Variants in BABAM2 observed in about 807,000 individuals in gnomAD.
BABAM2 encodes BRISC and BRCA1-A complex member 2.
BABAM2 carries 31 observed loss-of-function variants against 54.7 expected under a neutral mutation model. The observed-to-expected ratio is 0.57, with a 90% CI of 0.43 to 0.77. The LOEUF (loss-of-function observed/expected upper bound fraction) is 0.77, where lower values mean the gene tolerates loss of function less well. Among genes scored for constraint, BABAM2 ranks in the 30% least tolerant of loss-of-function variants. The pLI, the probability that BABAM2 is intolerant of heterozygous loss-of-function variation, is 0.00. For synonymous variants in BABAM2, 167 were observed against 162.9 expected, an observed-to-expected ratio of 1.03 and a Z score of -0.19; for missense variants, 364 against 455.8, an observed-to-expected ratio of 0.80 and a Z score of 1.83.
At chr2:27,957,363 A>G (rs929544508) in intron 3 of BABAM2, among the ~76,000 whole-genome samples, 3 of 152,100 alleles carry the variant, frequency 2.0e-5, no homozygotes, top group African/African-American at 7.2e-5. Context: ...TTTTGGCACC[A>G]TCATAATCTT....
intron 4 of BABAM2, among the ~76,000 whole-genome samples, chr2:28,024,955 T>TTAC (rs1247185906): frequency 2.6e-5 from 4 of 152,238 alleles, no homozygotes; most frequent in African/African-American, 9.6e-5. Context: ...TCTTGTTTTG[T>TTAC]TACTACCCGG....
At chr2:28,150,391 C>T (rs569830956) in intron 7 of BABAM2, among the ~76,000 whole-genome samples, 1 of 152,218 alleles carries the variant, frequency 6.6e-6, no homozygotes, top group African/African-American at 2.4e-5. Context: ...CATGGCAATA[C>T]AGAGGGGAGG....
intron 10 of BABAM2, among the ~76,000 whole-genome samples, chr2:28,282,195 G>A (rs936238120): frequency 7.2e-5 from 11 of 152,134 alleles, no homozygotes; most frequent in East Asian, 1.9e-4. Context: ...AGATATAACC[G>A]TAAGATGTTT....
intron 7 of BABAM2, among the ~76,000 whole-genome samples, chr2:28,178,303 T>A (rs1471397231): frequency 6.6e-6 from 1 of 152,148 alleles, no homozygotes; most frequent in Non-Finnish European, 1.5e-5. Context: ...CCAAGTATCT[T>A]CTCAGACTAT....
chr2:27,901,809 A>G (rs1165274695), intron 2 of BABAM2, among the ~76,000 whole-genome samples: 1 of 152,096 alleles, frequency 6.6e-6, no homozygotes, highest in African/African-American at 2.4e-5. Flanking sequence ...CTTTTCCCTG[A>G]TCTCATTCCC....
chr2:28,205,315 C>A (rs1279103690), intron 7 of BABAM2, among the ~76,000 whole-genome samples: 2 of 151,940 alleles, frequency 1.3e-5, no homozygotes, highest in Non-Finnish European at 2.9e-5. Flanking sequence ...TCCTGGCCAA[C>A]ATGGTAAAAC....
At chr2:28,117,437 G>GC (rs1230339685) in intron 6 of BABAM2, among the ~76,000 whole-genome samples, 2 of 152,196 alleles carry the variant, frequency 1.3e-5, no homozygotes, top group Non-Finnish European at 2.9e-5. Flanking sequence ...GGCATATAGT[G>GC]CAATTTATTA....
intron 3 of BABAM2, among the ~76,000 whole-genome samples, chr2:27,936,082 G>C (rs1668462515): frequency 6.6e-6 from 1 of 151,932 alleles, no homozygotes; most frequent in African/African-American, 2.4e-5. Flanking sequence ...CCATGACCCA[G>C]TTAATTTTTA....
intron 8 of BABAM2, among the ~76,000 whole-genome samples, chr2:28,240,886 C>A (rs199944558): frequency 0.016 from 1,842 of 112,736 alleles, 28 homozygotes; most frequent in African/African-American, 0.048. Context: ...AAAAAAAAAA[C>A]AAAAAAAACC....
intron 2 of BABAM2, among the ~76,000 whole-genome samples, chr2:27,900,770 G>A (rs1011001081): frequency 3.3e-5 from 5 of 152,076 alleles, no homozygotes; most frequent in East Asian, 3.9e-4. Context: ...TAGGCCGGGC[G>A]CGGTGGCTCA....
intron 7 of BABAM2, among the ~76,000 whole-genome samples, chr2:28,160,636 G>GT (rs1263447703): frequency 0.01 from 1,407 of 138,192 alleles, 16 homozygotes; most frequent in African/African-American, 0.032. Flanking sequence ...AATATTTAAT[G>GT]TTTTTTTTTT....
intron 5 of BABAM2, among the ~76,000 whole-genome samples, chr2:28,034,111 A>C (rs547717803): frequency 6.6e-6 from 1 of 152,278 alleles, no homozygotes; most frequent in South Asian, 2.1e-4. Context: ...TTAATGTCTT[A>C]AGCTTCCCTC....
chr2:27,964,676 T>C (rs1670713703), intron 3 of BABAM2, among the ~76,000 whole-genome samples: 1 of 152,188 alleles, frequency 6.6e-6, no homozygotes, highest in Non-Finnish European at 1.5e-5. Context: ...TACACACTGC[T>C]TGAAGAAGCT....
At chr2:27,977,281 G>A (rs934075961) in intron 3 of BABAM2, among the ~76,000 whole-genome samples, 1 of 152,078 alleles carries the variant, frequency 6.6e-6, no homozygotes. Flanking sequence ...TTGTCATAAA[G>A]GGAGGTTTCC....
chr2:28,214,017 T>TA (rs1679711015), intron 7 of BABAM2, among the ~76,000 whole-genome samples: 1 of 152,168 alleles, frequency 6.6e-6, no homozygotes. Context: ...TGCAGAGTCT[T>TA]ATGCATCCTT....
At chr2:28,245,730 C>T (rs547864157) in intron 10 of BABAM2, among the ~76,000 whole-genome samples, 1 of 152,308 alleles carries the variant, frequency 6.6e-6, no homozygotes, top group African/African-American at 2.4e-5. Flanking sequence ...GAATTGACTT[C>T]ACTCAAACCC....
At chr2:28,253,052 T>G (rs1239115422) in intron 10 of BABAM2, among the ~76,000 whole-genome samples, 1 of 152,178 alleles carries the variant, frequency 6.6e-6, no homozygotes, top group Non-Finnish European at 1.5e-5. Context: ...TGGGCATTAT[T>G]ATGTTTTGGT....
chr2:27,938,146 T>TA (rs780426536), intron 3 of BABAM2, among the ~76,000 whole-genome samples: 2 of 152,174 alleles, frequency 1.3e-5, no homozygotes, highest in Admixed American at 6.5e-5. Flanking sequence ...GGCTTTCCAT[T>TA]AATTTTAGCA....
chr2:27,988,748 GAAAAACAC>G, intron 4 of BABAM2, among the ~76,000 whole-genome samples: 1 of 152,156 alleles, frequency 6.6e-6, no homozygotes, highest in Admixed American at 6.5e-5. Flanking sequence ...GGTGGATGGA[GAAAAACAC>G]ATGCCATTTT....
Sources: allele counts gnomAD v4.1 joint callset (sites outside exome capture counted in the v4.1 genomes callset), GRCh38; gene constraint gnomAD v4.1.1; transcripts MANE v1.5; gene names NCBI Gene and HGNC (gene_info 2026-07-23, HGNC 2026-07-21).